The following YARS1 variants were observed in gnomAD, a reference collection of about 807,000 sequenced individuals.
The protein encoded by YARS1 is tyrosyl-tRNA synthetase 1.
Under a neutral mutation model 62.2 loss-of-function variants are expected in YARS1, and 36 were observed. That is an observed-to-expected ratio of 0.58 (90% CI 0.44 to 0.76). YARS1 has a LOEUF of 0.76. Ranked by LOEUF, YARS1 falls within the 30% of genes least tolerant of loss-of-function variation. YARS1 has a pLI of 0.00. For missense variants in YARS1, 524 were observed against 639.8 expected, an observed-to-expected ratio of 0.82 and a Z score of 1.95; for synonymous variants, 234 against 244.9, an observed-to-expected ratio of 0.96 and a Z score of 0.42.
intron 6 of YARS1, among the ~76,000 whole-genome samples, chr1:32,789,213 T>C (rs1310081978): frequency 6.6e-6 from 1 of 152,240 alleles, no homozygotes; most frequent in African/African-American, 2.4e-5. Flanking sequence ...TCTATCCTAA[T>C]TTTTACAAAT....
At chr1:32,804,425 C>T (rs1171155118) in intron 4 of YARS1, among the ~76,000 whole-genome samples, 1 of 151,914 alleles carries the variant, frequency 6.6e-6, no homozygotes, top group Non-Finnish European at 1.5e-5. Flanking sequence ...GGCTGCCCCC[C>T]ACCTCCCGGA....
At chr1:32,793,084 CA>C (rs1653467064) in intron 5 of YARS1, among the ~76,000 whole-genome samples, 2 of 151,766 alleles carry the variant, frequency 1.3e-5, no homozygotes, top group South Asian at 4.2e-4. Context: ...CTGGATTTAA[CA>C]GAAGACACGA....
intron 6 of YARS1, 52 bp downstream of exon 6, chr1:32,791,110 C>G (rs1653399145): frequency 6.7e-7 from 1 of 1,488,148 alleles, no homozygotes; most frequent in Non-Finnish European, 9.4e-7. Context: ...AGTCCTCAAT[C>G]TCTCCATTGA....
At chr1:32,778,022 G>A (rs2148598574) in intron 12 of YARS1, among the ~76,000 whole-genome samples, 1 of 152,198 alleles carries the variant, frequency 6.6e-6, no homozygotes, top group East Asian at 1.9e-4. Context: ...TAGAAAACCA[G>A]GAAAGGAGGG....
Position 32,814,637 on chromosome 1 carries a change from G to A in YARS1, c.57+2551C>T, listed in dbSNP as rs111331078. ...ACTCCCAACCTCAAGTGATCTGCCC[G>A]TGTGGGCCTCCCAAAGTGTTGGGAT... On this transcript the variant is annotated intron_variant, in intron 1 of 12. Transcript: ENST00000373477. 6.9e-3 allele frequency among the ~76,000 whole-genome samples: 1,058 copies of A among 152,272 alleles called. 12 individuals carry two copies. The highest frequency in any genetic ancestry group is 0.011 in the Non-Finnish European group (778 of 68,032).
At chr1:32,803,947 C>G (rs530965940) in intron 4 of YARS1, among the ~76,000 whole-genome samples, 103 of 140,852 alleles carry the variant, frequency 7.3e-4, no homozygotes, top group Admixed American at 2.1e-3. Flanking sequence ...TGACTCTTAA[C>G]GAGCATGCTG....
At chr1:32,780,917 G>T (rs12126642) in intron 10 of YARS1, 131 bp downstream of exon 10, 2 of 822,316 alleles carry the variant, frequency 2.4e-6, no homozygotes, top group Non-Finnish European at 4.1e-6. Context: ...CCTGGAATTA[G>T]ACACCTGCAC....
At chr1:32,808,119 G>T (rs1638503690) in intron 3 of YARS1, among the ~76,000 whole-genome samples, 1 of 151,978 alleles carries the variant, frequency 6.6e-6, no homozygotes, top group East Asian at 1.9e-4. Context: ...GCCCACTCTG[G>T]TCTCGAATTC....
Position 32,786,945 on chromosome 1 carries a change from T to G in YARS1, c.815A>C (p.Lys272Thr). 6.2e-7 allele frequency: 1 copy of G among 1,614,074 alleles called. No individual in the cohort carries two copies. Among genetic ancestry groups the G allele is most frequent in the South Asian group, 1.1e-5 (1 of 91,078 alleles). Residue 272 changes from lysine to threonine, a missense_variant, in exon 7 of 13, where the codon AAG becomes ACG. Coordinates refer to ENST00000373477, the MANE Select transcript of YARS1 (RefSeq NM_003680.4). ...AAGAAAACAGAGAGTGTTACCGGAC[T>G]TAAGGGGAAAAAGGACATGCTTGAT... ...SFIKHVLFPL[K>T]SEFVILRDEK... is the part of the protein sequence containing the mutation.
chr1:32,777,651 G>A (rs979283313), intron 12 of YARS1, among the ~76,000 whole-genome samples: 8 of 152,018 alleles, frequency 5.3e-5, no homozygotes, highest in Non-Finnish European at 1.0e-4. Context: ...TCATGGTCAG[G>A]TACAGTAGCT....
chr1:32,804,857 G>T (rs940565342), intron 4 of YARS1, among the ~76,000 whole-genome samples: 2 of 152,112 alleles, frequency 1.3e-5, no homozygotes, highest in Non-Finnish European at 2.9e-5. Context: ...CTGCAATCTC[G>T]GCACTTTGGG....
At chr1:32,780,370 C>T (rs1216541478) in intron 10 of YARS1, 92 bp from the exon 11 acceptor site, 1 of 1,472,164 alleles carries the variant, frequency 6.8e-7, no homozygotes, top group African/African-American at 1.4e-5. Flanking sequence ...AGCATCCACT[C>T]CTTACAGAGG....
chr1:32,775,529 CCCTTT>C lies in YARS1; in HGVS notation c.*447_*451del, dbSNP rs142185532. On this transcript the variant is annotated 3_prime_UTR_variant, in exon 13 of 13. Transcript: ENST00000373477. ...ACCACTAGGTTCTCTGTTTTCCCTT[CCCTTT>C]CCTTTTCAAATCCCACAGTTTCCTG... The C allele has an allele frequency of 9.5e-3, 1,698 of 179,400 alleles. 18 individuals carry two copies. Among genetic ancestry groups the C allele is most frequent in the South Asian group, 0.034 (267 of 7,970 alleles). The allele number at this position is 179,400 out of a possible 1,614,324, so 11.1% of individuals were successfully genotyped here.
At chr1:32,779,978 G>A (rs1338395651) in intron 11 of YARS1, 107 bp downstream of exon 11, 22 of 1,352,768 alleles carry the variant, frequency 1.6e-5, no homozygotes, top group East Asian at 2.3e-5. Flanking sequence ...GAAGAGGCAC[G>A]TGTTCTCAGA....
intron 8 of YARS1, 124 bp downstream of exon 8, chr1:32,786,238 A>T: frequency 1.0e-6 from 1 of 980,192 alleles, no homozygotes; most frequent in Non-Finnish European, 1.6e-6. Flanking sequence ...TACCAAAAGT[A>T]GAGCAAAAAT....
chr1:32,777,237 CA>C (rs1652896668), intron 12 of YARS1, among the ~76,000 whole-genome samples: 1 of 151,934 alleles, frequency 6.6e-6, no homozygotes, highest in Non-Finnish European at 1.5e-5. Flanking sequence ...CTATGTTGGT[CA>C]GGCTGGTCTC....
chr1:32,809,922 A>G (rs1048602354), intron 3 of YARS1, among the ~76,000 whole-genome samples: 1 of 152,152 alleles, frequency 6.6e-6, no homozygotes, highest in African/African-American at 2.4e-5. Flanking sequence ...CCTGGGTAAC[A>G]TGGTGAAACT....
At chr1:32,787,130 C>T in intron 6 of YARS1, 55 bp from the exon 7 acceptor site, 1 of 1,608,814 alleles carries the variant, frequency 6.2e-7, no homozygotes, top group African/African-American at 1.3e-5. Context: ...AGAATATGCT[C>T]AACTAATATA....
intron 5 of YARS1, among the ~76,000 whole-genome samples, chr1:32,796,168 A>ACG (rs1653574587): frequency 6.6e-6 from 1 of 151,058 alleles, no homozygotes; most frequent in Non-Finnish European, 1.5e-5. Context: ...GGTGGCAGGC[A>ACG]CCTGTAATCC....
Sources: allele counts gnomAD v4.1 joint callset (sites outside exome capture counted in the v4.1 genomes callset), GRCh38; gene constraint gnomAD v4.1.1; transcripts MANE v1.5; gene names NCBI Gene and HGNC (gene_info 2026-07-23, HGNC 2026-07-21).